PRKN: variants seen among roughly 807,000 people sequenced by gnomAD.
PRKN encodes the protein parkin RBR E3 ubiquitin protein ligase.
A neutral mutation model predicts 59.5 loss-of-function variants in PRKN; 56 were observed. That is an observed-to-expected ratio of 0.94 (90% confidence interval 0.76 to 1.18). PRKN has a LOEUF of 1.18. PRKN is among the 50% of genes most tolerant of loss of function. PRKN has a pLI of 0.00. For missense variants in PRKN, 657 were observed against 596.4 expected, an observed-to-expected ratio of 1.10 and a Z score of -1.06; for synonymous variants, 250 against 222.1, an observed-to-expected ratio of 1.13 and a Z score of -1.12.
At chr6:162,527,264 G>A (rs1024540346) in intron 1 of PRKN, among the ~76,000 whole-genome samples, 2 of 152,172 alleles carry the variant, frequency 1.3e-5, no homozygotes, top group Non-Finnish European at 2.9e-5. Context: ...GAGCAAGACC[G>A]ACAAGCAAGA....
chr6:162,563,259 G>A (rs1425390061), intron 1 of PRKN, among the ~76,000 whole-genome samples: 10 of 151,618 alleles, frequency 6.6e-5, no homozygotes, highest in Admixed American at 2.0e-4. Context: ...AGCTGAGATC[G>A]CGCCACTGCA....
rs905040518 is a variant in PRKN at position 161,488,146 on chromosome 6, C to A, written c.1083+60708G>T. 1.5e-4 allele frequency among the ~76,000 whole-genome samples: 23 copies of A among 152,084 alleles called. No individual in the cohort carries two copies. The highest frequency in any genetic ancestry group is 3.9e-4 in the Admixed American group (6 of 15,278). ...AGCAGGCCTCTCCTGGGAGGGGACA[C>A]CTGTTTAGAGGGCTAAATGAATGGA... On this transcript the variant is annotated intron_variant, in intron 9 of 11. Coordinates refer to ENST00000366898, the MANE Select transcript of PRKN (RefSeq NM_004562.3). The surrounding 1 kb of genome is among the most constrained non-coding windows in gnomAD (Gnocchi z 4.5).
At chr6:162,647,546 A>T (rs1778233444) in intron 1 of PRKN, among the ~76,000 whole-genome samples, 1 of 152,182 alleles carries the variant, frequency 6.6e-6, no homozygotes, top group African/African-American at 2.4e-5. Flanking sequence ...GAGGTAGTTA[A>T]GAAAGTTTGG....
In PRKN at chr6:161,889,992, C is replaced by T. The variant is rs145086189; in HGVS notation, c.734+83310G>A. Among the ~76,000 whole-genome samples the T allele has an allele frequency of 7.7e-4, 117 of 152,200 alleles. 2 individuals carry two copies. The East Asian group carries it at 0.02, about 27-fold the overall frequency. On this transcript the variant is annotated intron_variant, in intron 6 of 11. Transcript: ENST00000366898. The stretch of plus-strand genomic sequence containing the variant: ...TAATCAGTATATATTTGAAAGTACA[C>T]GCATTCGAGGAGCAGCTGGGGTCTG...
intron 6 of PRKN, among the ~76,000 whole-genome samples, chr6:161,788,357 G>A (rs574482051): frequency 1.3e-5 from 2 of 152,288 alleles, no homozygotes; most frequent in African/African-American, 2.4e-5. Context: ...AAAGTTTAGA[G>A]GTCCAAGTCT....
At chr6:161,801,532 T>C (rs1246058103) in intron 6 of PRKN, among the ~76,000 whole-genome samples, 1 of 152,154 alleles carries the variant, frequency 6.6e-6, no homozygotes, top group Non-Finnish European at 1.5e-5. Context: ...GCTATAAACA[T>C]CGAACAGTGT....
intron 7 of PRKN, among the ~76,000 whole-genome samples, chr6:161,698,241 T>A (rs1403773200): frequency 6.6e-6 from 1 of 152,134 alleles, no homozygotes. Flanking sequence ...ACAGGCTACA[T>A]GTAGCCAGAA....
intron 4 of PRKN, among the ~76,000 whole-genome samples, chr6:162,070,688 A>C (rs1436641508): frequency 1.3e-5 from 2 of 152,176 alleles, no homozygotes; most frequent in African/African-American, 4.8e-5. Flanking sequence ...TCCACCTCAC[A>C]TCATCAAGCA....
chr6:162,114,799 C>T (rs1457768359), intron 4 of PRKN, among the ~76,000 whole-genome samples: 1 of 151,878 alleles, frequency 6.6e-6, no homozygotes, highest in Non-Finnish European at 1.5e-5. Context: ...AATGAGATAC[C>T]ATCTCACACC....
At chr6:162,614,809 A>C (rs1782337189) in intron 1 of PRKN, among the ~76,000 whole-genome samples, 1 of 152,200 alleles carries the variant, frequency 6.6e-6, no homozygotes, top group African/African-American at 2.4e-5. Flanking sequence ...CTAGCATAGA[A>C]AGAGCCATAT....
intron 5 of PRKN, among the ~76,000 whole-genome samples, chr6:162,020,490 T>C (rs1562464763): frequency 6.6e-6 from 1 of 151,970 alleles, no homozygotes; most frequent in African/African-American, 2.4e-5. Context: ...CAAAAAGTGG[T>C]TGATGAAGTT....
At chr6:161,993,745 T>C (rs1054805638) in intron 5 of PRKN, among the ~76,000 whole-genome samples, 57 of 152,160 alleles carry the variant, frequency 3.7e-4, no homozygotes, top group Non-Finnish European at 1.2e-4. Flanking sequence ...TTATTTGACT[T>C]ACGGTTCTGC....
intron 1 of PRKN, among the ~76,000 whole-genome samples, chr6:162,490,905 G>A (rs1792779970): frequency 6.6e-6 from 1 of 152,132 alleles, no homozygotes; most frequent in Non-Finnish European, 1.5e-5. Context: ...AAGCCAAGGA[G>A]GGTGGATCAC....
intron 6 of PRKN, among the ~76,000 whole-genome samples, chr6:161,950,514 C>T (rs1272988434): frequency 3.3e-5 from 5 of 152,196 alleles, no homozygotes; most frequent in East Asian, 1.9e-4. Flanking sequence ...CACTGCACTC[C>T]AGCCTGGGCG....
At chr6:161,515,898 G>A (rs1215176749) in intron 9 of PRKN, among the ~76,000 whole-genome samples, 1 of 152,090 alleles carries the variant, frequency 6.6e-6, no homozygotes, top group African/African-American at 2.4e-5. Flanking sequence ...CACATGCACT[G>A]AAAAAAATTA....
intron 5 of PRKN, among the ~76,000 whole-genome samples, chr6:162,043,658 T>C (rs969105154): frequency 7.2e-5 from 11 of 152,220 alleles, no homozygotes; most frequent in African/African-American, 2.7e-4. Flanking sequence ...AAGTCTCAGA[T>C]AGTCTCAAAG....
At chr6:162,000,728 C>T (rs891557546) in intron 5 of PRKN, among the ~76,000 whole-genome samples, 3 of 151,680 alleles carry the variant, frequency 2.0e-5, no homozygotes, top group African/African-American at 7.3e-5. Context: ...TATTACTATA[C>T]CTAAGGTCAT....
At chr6:162,252,360 G>A (rs938482875) in intron 3 of PRKN, among the ~76,000 whole-genome samples, 5 of 152,116 alleles carry the variant, frequency 3.3e-5, no homozygotes, top group African/African-American at 1.2e-4. Context: ...TTGAAGTCAG[G>A]GTACCTTCTA....
intron 2 of PRKN, among the ~76,000 whole-genome samples, chr6:162,437,534 C>A (rs1042584615): frequency 1.3e-5 from 2 of 152,110 alleles, no homozygotes; most frequent in African/African-American, 4.8e-5. Context: ...CGGCCGTCAC[C>A]AAAGGGTCCC....
Sources: gnomAD v4.1 joint callset for allele counts (sites outside exome capture counted in the v4.1 genomes callset) on GRCh38, gnomAD v4.1.1 for gene constraint, Gnocchi (gnomAD v3.1) non-coding constraint, MANE v1.5 for transcripts, NCBI Gene and HGNC (gene_info 2026-07-23, HGNC 2026-07-21) for gene names.